RBFOX1: variants seen among roughly 807,000 people sequenced by gnomAD.
RBFOX1 encodes the protein RNA binding fox-1 homolog 1, also known as RNA binding protein fox-1 homolog 1.
Under a neutral mutation model 57.7 loss-of-function variants are expected in RBFOX1, and 8 were observed. The observed-to-expected ratio is 0.14, with a 90% CI of 0.08 to 0.25. The LOEUF is 0.25. Among genes scored for constraint, RBFOX1 ranks in the 10% least tolerant of loss-of-function variants. The pLI, the probability that RBFOX1 is intolerant of heterozygous loss-of-function variation, is 1.00. For missense variants in RBFOX1, 611 were observed against 548.5 expected, an observed-to-expected ratio of 1.11 and a Z score of -1.14; for synonymous variants, 326 against 222.4, an observed-to-expected ratio of 1.47 and a Z score of -4.15.
At chr16:7,397,919 C>G (rs920869496) in intron 4 of RBFOX1, among the ~76,000 whole-genome samples, 7 of 151,944 alleles carry the variant, frequency 4.6e-5, no homozygotes, top group Admixed American at 1.3e-4. Flanking sequence ...TTTTTAGGCC[C>G]TACTTGGCTC....
chr16:5,244,576 C>G (rs1203008055), intron 1 of RBFOX1, among the ~76,000 whole-genome samples: 1 of 152,258 alleles, frequency 6.6e-6, no homozygotes, highest in East Asian at 1.9e-4. Flanking sequence ...GGCTGAAGCT[C>G]TCTCTGCTGA....
At chr16:6,585,376 A>G (rs2097594116) in intron 2 of RBFOX1, among the ~76,000 whole-genome samples, 1 of 152,130 alleles carries the variant, frequency 6.6e-6, no homozygotes, top group African/African-American at 2.4e-5. Context: ...CTTTGAAATC[A>G]TCTCTTCTTG....
intron 2 of RBFOX1, among the ~76,000 whole-genome samples, chr16:5,507,625 G>C (rs1453032302): frequency 6.6e-6 from 1 of 152,204 alleles, no homozygotes; most frequent in East Asian, 1.9e-4. Flanking sequence ...TTTGGAAATA[G>C]GGTCTTTGCA....
intron 11 of RBFOX1, among the ~76,000 whole-genome samples, chr16:7,645,471 A>AT (rs2063569583): frequency 6.6e-6 from 1 of 152,154 alleles, no homozygotes; most frequent in Non-Finnish European, 1.5e-5. Flanking sequence ...CTTTCATAAT[A>AT]TTTTTATCGA....
intron 4 of RBFOX1, among the ~76,000 whole-genome samples, chr16:7,199,547 C>G (rs1291827558): frequency 6.6e-6 from 1 of 152,160 alleles, no homozygotes; most frequent in East Asian, 1.9e-4. Flanking sequence ...GGAATGGTAT[C>G]TACTTCCATA....
intron 4 of RBFOX1, among the ~76,000 whole-genome samples, chr16:7,379,899 C>T (rs2097758297): frequency 6.6e-6 from 1 of 152,064 alleles, no homozygotes; most frequent in Admixed American, 6.6e-5. Flanking sequence ...TATCACCCAC[C>T]TGAGGTGCAA....
chr16:5,942,793 G>A (rs929213641), intron 4 of RBFOX1, among the ~76,000 whole-genome samples: 10 of 152,188 alleles, frequency 6.6e-5, no homozygotes, highest in African/African-American at 2.4e-4. Flanking sequence ...TTTTCTCACT[G>A]TTGTATTAAA....
chr16:6,862,114 G>A (rs1699378467), intron 3 of RBFOX1, among the ~76,000 whole-genome samples: 1 of 152,142 alleles, frequency 6.6e-6, no homozygotes, highest in South Asian at 2.1e-4. Flanking sequence ...TACTTGGAAA[G>A]GATGCTTCAG....
At chr16:5,838,203 A>T (rs915149517) in intron 3 of RBFOX1, 1 of 182,930 alleles carries the variant, frequency 5.5e-6, no homozygotes, top group Non-Finnish European at 1.2e-5. Context: ...TCACATTACC[A>T]CACATTACGT....
chr16:7,662,219 A>C (rs2067946252), intron 12 of RBFOX1, among the ~76,000 whole-genome samples: 1 of 152,142 alleles, frequency 6.6e-6, no homozygotes, highest in Non-Finnish European at 1.5e-5. Context: ...AGAAGTCATT[A>C]TTTCCCATAT....
intron 10 of RBFOX1, among the ~76,000 whole-genome samples, chr16:7,630,251 T>C (rs1212668803): frequency 6.6e-6 from 1 of 152,124 alleles, no homozygotes; most frequent in Admixed American, 6.5e-5. Context: ...AAGAGGTGTC[T>C]GAGTCAGGCT....
At chr16:6,701,317 C>T (rs1259168196) in intron 3 of RBFOX1, among the ~76,000 whole-genome samples, 1 of 152,186 alleles carries the variant, frequency 6.6e-6, no homozygotes, top group African/African-American at 2.4e-5. Flanking sequence ...CTGACGTCAC[C>T]CCCTGCAGCT....
At chr16:6,105,678 GAA>G (rs569925743) in intron 1 of RBFOX1, among the ~76,000 whole-genome samples, 31 of 147,770 alleles carry the variant, frequency 2.1e-4, no homozygotes, top group African/African-American at 7.8e-4. Flanking sequence ...TTGGAAAGTA[GAA>G]AAAAAATATA....
chr16:7,437,249 TG>T lies in RBFOX1; in HGVS notation c.28-80897del, dbSNP rs1369556698. On this transcript the variant is annotated intron_variant, in intron 4 of 15. Coordinates refer to ENST00000550418, the MANE Select transcript of RBFOX1 (RefSeq NM_018723.4). ...AACTGTGCTAGAATTAAATTATCTT[TG>T]CCCCCCCCCCCTTTCTGTTATATTA... is the stretch of plus-strand genomic sequence containing the variant. Among the ~76,000 whole-genome samples, 9 of 84,160 alleles carry T rather than the reference TG, an allele frequency of 1.1e-4. No homozygotes were observed. The South Asian group carries it at 4.2e-3, about 39-fold the overall frequency. The allele number at this position is 84,160 out of a possible 152,430, so 55.2% of individuals were successfully genotyped here.
In RBFOX1 at chr16:5,637,215, T is replaced by C. The variant is rs1167494960; in HGVS notation, c.318+38254T>C. 2.0e-5 allele frequency among the ~76,000 whole-genome samples: 3 copies of C among 152,184 alleles called. No individual in the cohort carries two copies. The East Asian group carries it at 5.8e-4, about 29-fold the overall frequency. ...CCGCTGAGAAAGAAGCAAATCAGCC[T>C]AAAGTAGGCTTTCAAGCAGCCTCCA... On this transcript the variant is annotated intron_variant, in intron 3 of 19. Transcript: ENST00000641259.
At chr16:6,340,385 A>T (rs970613022) in intron 2 of RBFOX1, among the ~76,000 whole-genome samples, 7 of 152,230 alleles carry the variant, frequency 4.6e-5, no homozygotes, top group African/African-American at 1.7e-4. Flanking sequence ...GAAGTAATTT[A>T]GGGCAAATCC....
At position 6,435,749 on chromosome 16, in the gene RBFOX1, C is replaced by T. The variant is rs987688112; in HGVS notation, c.-64+118692C>T. Among the ~76,000 whole-genome samples the T allele has an allele frequency of 3.3e-5, 5 of 152,256 alleles. No homozygotes were observed. In the East Asian group the frequency reaches 7.7e-4, roughly 23 times the overall value. ...TCATAATGTTTGCAAGATTTTATGG[C>T]ACCTGGGACACAATTGATTGGGGTC... On this transcript the variant is annotated intron_variant, in intron 2 of 15. Coordinates refer to ENST00000550418, the MANE Select transcript of RBFOX1 (RefSeq NM_018723.4).
At chr16:7,619,881 T>A (rs564389854) in intron 10 of RBFOX1, among the ~76,000 whole-genome samples, 1 of 152,308 alleles carries the variant, frequency 6.6e-6, no homozygotes, top group South Asian at 2.1e-4. Context: ...TAGCAAGTAG[T>A]GGCTTCTCAC....
intron 3 of RBFOX1, among the ~76,000 whole-genome samples, chr16:6,836,755 A>G (rs1418654803): frequency 6.6e-6 from 1 of 152,184 alleles, no homozygotes; most frequent in East Asian, 1.9e-4. Flanking sequence ...TTAAAGTATA[A>G]CACCAGTTCA....
Sources: gnomAD v4.1 joint callset for allele counts (sites outside exome capture counted in the v4.1 genomes callset) on GRCh38, gnomAD v4.1.1 for gene constraint, MANE v1.5 for transcripts, NCBI Gene and HGNC (gene_info 2026-07-23, HGNC 2026-07-21) for gene names.